The following NPAS3 variants were observed in gnomAD, a reference collection of about 807,000 sequenced individuals.
NPAS3 encodes neuronal PAS domain protein 3, also known as neuronal PAS domain-containing protein 3.
In NPAS3, 14 loss-of-function variants were observed where a neutral mutation model predicts 73.1. That is an observed-to-expected ratio of 0.19 (90% CI 0.13 to 0.30). The LOEUF is 0.30. Ranked by LOEUF, NPAS3 falls within the 10% of genes least tolerant of loss-of-function variation. The probability of loss-of-function intolerance (pLI) is 1.00; values close to 1 mark genes in which losing one functional copy is unlikely to be tolerated. For missense variants in NPAS3, 1,096 were observed against 1,250.0 expected, an observed-to-expected ratio of 0.88 and a Z score of 1.86; for synonymous variants, 620 against 541.5, an observed-to-expected ratio of 1.14 and a Z score of -2.01.
chr14:33,167,680 G>A (rs2045215876), intron 2 of NPAS3, among the ~76,000 whole-genome samples: 1 of 152,124 alleles, frequency 6.6e-6, no homozygotes, highest in African/African-American at 2.4e-5. Context: ...GCACATTTGT[G>A]AGCAATATGT....
At chr14:33,074,525 T>C (rs1449570201) in intron 2 of NPAS3, among the ~76,000 whole-genome samples, 2 of 152,176 alleles carry the variant, frequency 1.3e-5, no homozygotes, top group African/African-American at 4.8e-5. Context: ...CAAGCGATTC[T>C]CCTGCCTCAG....
At chr14:33,692,204 A>C (rs1323948883) in intron 6 of NPAS3, among the ~76,000 whole-genome samples, 1 of 152,190 alleles carries the variant, frequency 6.6e-6, no homozygotes, top group Non-Finnish European at 1.5e-5. Context: ...ACAACTGTTC[A>C]GATCTTTCAA....
intron 5 of NPAS3, among the ~76,000 whole-genome samples, chr14:33,642,529 T>G (rs2058702529): frequency 6.6e-6 from 1 of 152,328 alleles, no homozygotes; most frequent in African/African-American, 2.4e-5. Flanking sequence ...GATCATTTCT[T>G]TTAAGTCTGG....
chr14:33,601,068 G>A (rs2057386297), intron 5 of NPAS3, among the ~76,000 whole-genome samples: 1 of 152,148 alleles, frequency 6.6e-6, no homozygotes, highest in Non-Finnish European at 1.5e-5. Flanking sequence ...CCATTGGCTA[G>A]CACCCAGAGA....
intron 4 of NPAS3, among the ~76,000 whole-genome samples, chr14:33,417,696 C>T (rs1594871069): frequency 1.3e-5 from 2 of 151,888 alleles, no homozygotes; most frequent in South Asian, 4.1e-4. Flanking sequence ...AAAATAGCAT[C>T]TGCCTTATTC....
Position 33,583,143 on chromosome 14 carries a change from G to C in NPAS3, c.558+22933G>C, listed in dbSNP as rs1283473755. The C allele has an allele frequency of 2.0e-5, 3 of 151,976 alleles. No individual in the cohort carries two copies. In the East Asian group the frequency reaches 5.8e-4, roughly 29 times the overall value. The allele number at this position is 151,976 out of a possible 1,614,324, so 9.4% of individuals were successfully genotyped here. A position where few individuals can be genotyped will look rare whatever the true frequency, so the allele number is the denominator to read the frequency against. ...TTCTGTAGGTCCAGGCTACTATTGA[G>C]GGTTGGGGGGTTCTAGGTTCTAACA... is the stretch of plus-strand genomic sequence containing the variant. On this transcript the variant is annotated intron_variant, in intron 5 of 11. Transcript: ENST00000356141.
intron 2 of NPAS3, among the ~76,000 whole-genome samples, chr14:33,094,653 A>T (rs1330978954): frequency 2.6e-5 from 4 of 152,052 alleles, no homozygotes; most frequent in African/African-American, 9.7e-5. Flanking sequence ...TTTCGTAGAG[A>T]TGAGGCTTCA....
chr14:33,791,049 C>T (rs1004875199), intron 9 of NPAS3, among the ~76,000 whole-genome samples: 6 of 152,224 alleles, frequency 3.9e-5, no homozygotes, highest in African/African-American at 1.4e-4. Flanking sequence ...CCCACTGGCG[C>T]TTGGGGGTCT....
chr14:33,602,297 G>A (rs2057422183), intron 5 of NPAS3, among the ~76,000 whole-genome samples: 1 of 152,254 alleles, frequency 6.6e-6, no homozygotes, highest in South Asian at 2.1e-4. Context: ...TGAAAACAGT[G>A]CCTGTTTCCA....
chr14:33,344,456 A>G (rs1357824057), intron 3 of NPAS3, among the ~76,000 whole-genome samples: 1 of 152,124 alleles, frequency 6.6e-6, no homozygotes, highest in Non-Finnish European at 1.5e-5. Flanking sequence ...CATTTGCTGT[A>G]ATCCCAATCC....
chr14:33,601,364 G>A (rs574001558), intron 5 of NPAS3, among the ~76,000 whole-genome samples: 10 of 152,332 alleles, frequency 6.6e-5, no homozygotes, highest in African/African-American at 2.2e-4. Flanking sequence ...ATGCAATTCT[G>A]AACACAGCCC....
chr14:33,792,649 G>A (rs1445597599), intron 9 of NPAS3, among the ~76,000 whole-genome samples: 1 of 151,380 alleles, frequency 6.6e-6, no homozygotes, highest in Non-Finnish European at 1.5e-5. Context: ...CTTATTAGCC[G>A]TAATTAAATG....
At chr14:33,335,281 T>G (rs41423849) in intron 3 of NPAS3, among the ~76,000 whole-genome samples, 31,609 of 152,034 alleles carry the variant, frequency 0.21, 4,052 homozygotes, top group East Asian at 0.43. Flanking sequence ...AGTTTATTCT[T>G]ATAGTGATGG....
At chr14:33,310,468 A>G (rs1198072205) in intron 3 of NPAS3, among the ~76,000 whole-genome samples, 1 of 152,180 alleles carries the variant, frequency 6.6e-6, no homozygotes, top group Non-Finnish European at 1.5e-5. Flanking sequence ...ACCCTCACGT[A>G]TTGAAGAACA....
In NPAS3 at chr14:33,455,337, T is replaced by C. The variant is rs180747777; in HGVS notation, c.468+88069T>C. On this transcript the variant is annotated intron_variant, in intron 4 of 11. Transcript: ENST00000356141. ...GGTGGGTAGAAGCCAAAGTTTGTTA[T>C]GAATTTAAAACTTTGCTATGGTGCC... Among the ~76,000 whole-genome samples, 58 of 152,334 alleles carry C rather than the reference T, an allele frequency of 3.8e-4. 1 individual carries two copies. The highest frequency in any genetic ancestry group is 1.3e-3 in the African/African-American group (54 of 41,588).
At chr14:33,406,614 G>C (rs1261377066) in intron 4 of NPAS3, among the ~76,000 whole-genome samples, 4 of 152,032 alleles carry the variant, frequency 2.6e-5, no homozygotes, top group African/African-American at 9.7e-5. Flanking sequence ...TAAGCCAAAT[G>C]GTCCTCTTCA....
intron 4 of NPAS3, among the ~76,000 whole-genome samples, chr14:33,376,205 T>G (rs542460444): frequency 6.6e-6 from 1 of 152,274 alleles, no homozygotes; most frequent in African/African-American, 2.4e-5. Flanking sequence ...TATAATTTCT[T>G]ATTCAAAATT....
intron 4 of NPAS3, among the ~76,000 whole-genome samples, chr14:33,399,853 A>G (rs2047376155): frequency 6.6e-6 from 1 of 152,096 alleles, no homozygotes; most frequent in African/African-American, 2.4e-5. Context: ...ATTTCATTTA[A>G]AATTCAATAC....
At chr14:33,258,778 G>A (rs79328835) in intron 3 of NPAS3, among the ~76,000 whole-genome samples, 10,719 of 152,110 alleles carry the variant, frequency 0.07, 544 homozygotes, top group Non-Finnish European at 0.1. Flanking sequence ...TTGAATGGAG[G>A]AAAATACTCA....
Sources: gnomAD v4.1 joint callset for allele counts (sites outside exome capture counted in the v4.1 genomes callset) on GRCh38, gnomAD v4.1.1 for gene constraint, MANE v1.5 for transcripts, NCBI Gene and HGNC (gene_info 2026-07-23, HGNC 2026-07-21) for gene names.